The following ATXN7 variants were observed in gnomAD, a reference collection of about 807,000 sequenced individuals.
ATXN7 encodes ataxin-7.
Under a neutral mutation model 70.5 loss-of-function variants are expected in ATXN7, and 12 were observed. The ratio of observed to expected loss-of-function variants is 0.17; its 90% CI spans 0.11 to 0.28. The LOEUF (loss-of-function observed/expected upper bound fraction) is 0.28. Ranked by LOEUF, ATXN7 falls within the 10% of genes least tolerant of loss-of-function variation. ATXN7 has a pLI of 1.00. For synonymous variants in ATXN7, 498 were observed against 448.7 expected (o/e 1.11, Z -1.39); for missense variants, 1,256 against 1,131.7 (o/e 1.11, Z -1.58).
At chr3:63,918,670 C>A (rs938934081) in intron 4 of ATXN7, among the ~76,000 whole-genome samples, 1 of 151,968 alleles carries the variant, frequency 6.6e-6, no homozygotes, top group South Asian at 2.1e-4. Context: ...TGTTCTGCAC[C>A]TTTCTTTTGA....
rs1423719842 is a variant in ATXN7, at chr3:63,996,170, G to C, written c.2348G>C (p.Ser783Thr). The change falls in exon 12 of 13, where the codon AGC becomes ACC. Residue 783 changes from serine (S) to threonine (T), a missense_variant. Ser to Thr is a moderately conservative substitution (Grantham distance 58, BLOSUM62 1). Coordinates refer to ENST00000674280, the MANE Select transcript of ATXN7 (RefSeq NM_001377405.1). ...TCAGGGAGGGGCCCCCCCACCGGGA[G>C]CCCTGCTGAATCCATCAAGAGGATG... The part of the protein sequence containing the change: ...DQSGRGPPTG[S>T]PAESIKRMSV... The C allele has an allele frequency of 1.9e-6, 3 of 1,614,182 alleles. No individual in the cohort carries two copies. Among genetic ancestry groups the C allele is most frequent in the Middle Eastern group, 1.6e-4 (1 of 6,062 alleles).
chr3:63,982,280 A>T lies in ATXN7; in HGVS notation c.847A>T (p.Ser283Cys). The T allele has an allele frequency of 6.2e-7, 1 of 1,614,180 alleles. No homozygotes were observed. The highest frequency in any genetic ancestry group is 8.5e-7 in the Non-Finnish European group (1 of 1,180,020). Residue 283 changes from serine to cysteine, a missense_variant, in exon 7 of 13, where the codon AGT (serine) becomes TGT (cysteine). Ser to Cys is a moderately radical substitution (Grantham distance 112). Transcript: ENST00000674280. ...GGGGCCAACCTGTCCTGCTACTGTG[A>T]GTTCCTTAGTCAAGCCTGGCCTTAA... is the stretch of plus-strand genomic sequence containing the variant. ...AVGPTCPATV[S>C]SLVKPGLNCP...
At chr3:63,927,125 C>T (rs1026835033) in intron 4 of ATXN7, among the ~76,000 whole-genome samples, 4 of 152,246 alleles carry the variant, frequency 2.6e-5, no homozygotes, top group South Asian at 2.1e-4. Context: ...AGTAAACATA[C>T]GTGTACGTGT....
intron 11 of ATXN7, among the ~76,000 whole-genome samples, chr3:63,991,526 G>A (rs564699502): frequency 1.3e-5 from 2 of 152,218 alleles, no homozygotes; most frequent in East Asian, 1.9e-4. Flanking sequence ...CAGTAGGGAG[G>A]AGTGGGTTCT....
In ATXN7 at chr3:63,981,025, C is replaced by T. The variant is rs533248212; in HGVS notation, c.752+858C>T. Among the ~76,000 whole-genome samples the T allele has an allele frequency of 3.9e-5, 6 of 152,334 alleles. No homozygotes were observed. In the East Asian group the frequency reaches 9.7e-4, roughly 25 times the overall value. Reference sequence around the variant, plus strand: ...AACATGCTTCGCCTTGTCATGGCATCCCTCAGCCTGGTGACGGATGGCTTT... The same window carrying T: ...AACATGCTTCGCCTTGTCATGGCATTCCTCAGCCTGGTGACGGATGGCTTT... On this transcript the variant is annotated intron_variant, in intron 6 of 12. Coordinates refer to ENST00000674280, the MANE Select transcript of ATXN7 (RefSeq NM_001377405.1).
intron 1 of ATXN7, among the ~76,000 whole-genome samples, chr3:63,893,032 C>T (rs190702909): frequency 6.6e-6 from 1 of 152,174 alleles, no homozygotes; most frequent in African/African-American, 2.4e-5. Flanking sequence ...CTCTAACATG[C>T]ACTACCTCAG....
Position 63,988,263 on chromosome 3 carries a change from C to T in ATXN7, c.1300C>T (p.Pro434Ser), listed in dbSNP as rs769433021. 3.7e-6 allele frequency: 6 copies of T among 1,613,894 alleles called. No individual in the cohort carries two copies. In the East Asian group the frequency reaches 8.9e-5, roughly 24 times the overall value. ...EPHQNPHGVI[P>S]SESKPFVASK... ...GCACCAAAACCCTCACGGAGTGATT[C>T]CTTCCGAATCAAAGCCTTTTGTAGC... The change falls in exon 9 of 13, where the codon CCT (proline) becomes TCT (serine). Residue 434 changes from proline (P) to serine (S), a missense_variant. Pro to Ser is a moderately conservative substitution (Grantham distance 74). Transcript: ENST00000674280.
rs553165055 is a variant in ATXN7, at chr3:63,920,948, T to C, written c.394+7723T>C. Among the ~76,000 whole-genome samples, 6 of 152,320 alleles carry C rather than the reference T, an allele frequency of 3.9e-5. No homozygotes were observed. The East Asian group carries it at 1.2e-3, about 29-fold the overall frequency. On this transcript the variant is annotated intron_variant, in intron 4 of 12. Transcript: ENST00000674280. ...TGCCCCTCTGATTATTAAAGTATTT[T>C]TTGATTGAAGTTCTAAGAAAAAGAA...
At chr3:63,961,885 A>C (rs185655060) in intron 5 of ATXN7, among the ~76,000 whole-genome samples, 149 of 152,262 alleles carry the variant, frequency 9.8e-4, no homozygotes, top group African/African-American at 3.5e-3. Flanking sequence ...TCCATATTTT[A>C]TTTATATTTT....
At chr3:63,873,343 C>G (rs1193062487) in intron 1 of ATXN7, among the ~76,000 whole-genome samples, 6 of 152,162 alleles carry the variant, frequency 3.9e-5, no homozygotes, top group Non-Finnish European at 8.8e-5. Flanking sequence ...TGAACCAGAT[C>G]TAGAGCAGCT....
chr3:63,940,285 T>TCTCACACA (rs1403266679), intron 4 of ATXN7, among the ~76,000 whole-genome samples: 1 of 141,442 alleles, frequency 7.1e-6, no homozygotes, highest in African/African-American at 2.6e-5. Flanking sequence ...CCATGCCCCA[T>TCTCACACA]CACACACACA....
chr3:63,953,792 A>G (rs1380345781), intron 5 of ATXN7, among the ~76,000 whole-genome samples: 1 of 151,788 alleles, frequency 6.6e-6, no homozygotes, highest in Non-Finnish European at 1.5e-5. Context: ...CTGGGACTAC[A>G]GGCACCCGCC....
At chr3:63,981,875 G>T (rs2106758746) in intron 6 of ATXN7, among the ~76,000 whole-genome samples, 1 of 152,258 alleles carries the variant, frequency 6.6e-6, no homozygotes, top group East Asian at 1.9e-4. Context: ...CTCATGTTTT[G>T]CTTCTTATAG....
intron 8 of ATXN7, among the ~76,000 whole-genome samples, chr3:63,986,243 C>G (rs1333672277): frequency 1.3e-5 from 2 of 152,158 alleles, no homozygotes; most frequent in African/African-American, 4.8e-5. Context: ...GAGCAGGGAG[C>G]AGTAAGCAAG....
chr3:63,985,112 T>C (rs2075553291), intron 8 of ATXN7, among the ~76,000 whole-genome samples: 1 of 152,196 alleles, frequency 6.6e-6, no homozygotes, highest in Non-Finnish European at 1.5e-5. Context: ...AATAGCTCTT[T>C]GAGATTCTGA....
intron 1 of ATXN7, among the ~76,000 whole-genome samples, chr3:63,874,389 G>T (rs1702686881): frequency 6.6e-6 from 1 of 152,168 alleles, no homozygotes; most frequent in Admixed American, 6.5e-5. Flanking sequence ...AAGCTTATAG[G>T]CTGAAGGGGC....
intron 2 of ATXN7, among the ~76,000 whole-genome samples, chr3:63,902,431 A>G (rs1703677618): frequency 6.6e-6 from 1 of 152,156 alleles, no homozygotes. Context: ...AATAAATAAT[A>G]AAATGGTGAA....
At chr3:63,996,601 C>G in intron 12 of ATXN7, 118 bp downstream of exon 12, 1 of 576,850 alleles carries the variant, frequency 1.7e-6, no homozygotes. Flanking sequence ...AGATATTCAG[C>G]TTCATGGTGT....
intron 10 of ATXN7, 95 bp downstream of exon 10, chr3:63,990,469 G>T: frequency 1.4e-6 from 2 of 1,459,974 alleles, no homozygotes; most frequent in Admixed American, 1.8e-5. Flanking sequence ...ATGCCCGTAT[G>T]TGTGGGACGC....
Sources: allele counts gnomAD v4.1 joint callset (sites outside exome capture counted in the v4.1 genomes callset), GRCh38; gene constraint gnomAD v4.1.1; transcripts MANE v1.5; gene names NCBI Gene and HGNC (gene_info 2026-07-23, HGNC 2026-07-21).